Variants in DMD observed in about 807,000 individuals in gnomAD.
The protein encoded by DMD is mutant dystrophin.
In DMD, 63 loss-of-function variants were observed where a neutral mutation model predicts 330.1. The ratio of observed to expected loss-of-function variants is 0.19; its 90% CI spans 0.16 to 0.24. DMD has a LOEUF of 0.24. Ranked by LOEUF, DMD falls within the 10% of genes least tolerant of loss-of-function variation. The probability of loss-of-function intolerance (pLI) is 1.00; values close to 1 mark genes in which losing one functional copy is unlikely to be tolerated. For missense variants in DMD, 3,344 were observed against 2,684.1 expected (o/e 1.25, Z -5.43); for synonymous variants, 1,223 against 959.8 (o/e 1.27, Z -5.07).
intron 60 of DMD, among the ~76,000 whole-genome samples, chrX:31,406,368 A>G (rs937225510): frequency 1.8e-4 from 20 of 111,151 alleles, no homozygotes; most frequent in Admixed American, 6.7e-4. Context: ...AAACCTTCAC[A>G]TGTACCGTCA....
intron 11 of DMD, among the ~76,000 whole-genome samples, chrX:32,626,390 C>A (rs2058348510): frequency 9.5e-6 from 1 of 105,221 alleles, no homozygotes; most frequent in Non-Finnish European, 1.9e-5. Flanking sequence ...ATCACTTGAA[C>A]CCGGGGGGAC....
intron 9 of DMD, among the ~76,000 whole-genome samples, chrX:32,671,115 C>A (rs1015401216): frequency 9.0e-6 from 1 of 110,608 alleles, no homozygotes; most frequent in Non-Finnish European, 1.9e-5. Context: ...TTGTTAATAT[C>A]TCAATGTCAA....
intron 52 of DMD, among the ~76,000 whole-genome samples, chrX:31,699,726 G>A (rs994689754): frequency 3.6e-5 from 4 of 111,670 alleles, no homozygotes; most frequent in Non-Finnish European, 7.5e-5. Flanking sequence ...AAAGGGAACC[G>A]ATGTCACCAA....
chrX:31,405,013 A>G (rs906628233), intron 60 of DMD, among the ~76,000 whole-genome samples: 2 of 111,967 alleles, frequency 1.8e-5, no homozygotes, highest in Admixed American at 1.9e-4. Context: ...AATGTCAATT[A>G]GAGAGAAATG....
intron 4 of DMD, among the ~76,000 whole-genome samples, chrX:32,835,009 C>G (rs931605218): frequency 4.5e-5 from 5 of 111,147 alleles, no homozygotes; most frequent in African/African-American, 1.6e-4. Context: ...AAATCTCTAT[C>G]AAATTTGTAA....
intron 55 of DMD, among the ~76,000 whole-genome samples, chrX:31,530,311 C>A (rs2073634450): frequency 8.9e-6 from 1 of 111,750 alleles, no homozygotes; most frequent in Admixed American, 9.5e-5. Context: ...CAGAGAACTT[C>A]AAAGAGATAT....
At chrX:31,294,076 C>T (rs771908821) in intron 62 of DMD, among the ~76,000 whole-genome samples, 2 of 112,068 alleles carry the variant, frequency 1.8e-5, no homozygotes, top group South Asian at 7.5e-4. Context: ...GATAGATGAC[C>T]TGAGGATGAA....
At chrX:32,561,734 T>C (rs772833535) in intron 16 of DMD, among the ~76,000 whole-genome samples, 6 of 111,362 alleles carry the variant, frequency 5.4e-5, no homozygotes, top group Non-Finnish European at 9.4e-5. Context: ...CCAACATACG[T>C]AATCATACAA....
intron 1 of DMD, among the ~76,000 whole-genome samples, chrX:33,086,638 C>A (rs1160370077): frequency 9.1e-6 from 1 of 110,114 alleles, no homozygotes; most frequent in South Asian, 3.8e-4. Flanking sequence ...ATTAATACTT[C>A]CAAACTAAAA....
At chrX:31,621,294 T>C (rs1305453507) in intron 55 of DMD, among the ~76,000 whole-genome samples, 1 of 112,212 alleles carries the variant, frequency 8.9e-6, no homozygotes, top group African/African-American at 3.2e-5. Flanking sequence ...GTATCTGTTT[T>C]GTTTGTTCAA....
chrX:32,980,765 A>T (rs190173403), intron 2 of DMD, among the ~76,000 whole-genome samples: 132 of 112,057 alleles, frequency 1.2e-3, no homozygotes, highest in African/African-American at 4.0e-3. Context: ...TTCCCCACCT[A>T]GGTTCGTAAT....
chrX:31,427,347 T>A (rs2063774087), intron 60 of DMD, among the ~76,000 whole-genome samples: 3 of 111,665 alleles, frequency 2.7e-5, no homozygotes, highest in South Asian at 7.5e-4. Context: ...AATTTATTGC[T>A]AACTCTTCTG....
chrX:32,789,798 C>T (rs958587943), intron 7 of DMD, among the ~76,000 whole-genome samples: 1 of 111,523 alleles, frequency 9.0e-6, no homozygotes, highest in Admixed American at 9.5e-5. Flanking sequence ...CACTCTTCTA[C>T]CAAAAGGAAC....
At chrX:31,937,424 CT>C (rs962040723) in intron 45 of DMD, among the ~76,000 whole-genome samples, 3 of 111,345 alleles carry the variant, frequency 2.7e-5, no homozygotes, top group East Asian at 2.8e-4. Flanking sequence ...TTGTGGAAAA[CT>C]TTTTTTCCAG....
chrX:32,529,316 A>G (rs898998431), intron 17 of DMD, among the ~76,000 whole-genome samples: 4 of 103,249 alleles, frequency 3.9e-5, no homozygotes, highest in African/African-American at 1.1e-4. Flanking sequence ...CCTTGGGCAC[A>G]TGTCGTCAGG....
chrX:33,040,624 C>A (rs1005818052), intron 1 of DMD, among the ~76,000 whole-genome samples: 1 of 110,949 alleles, frequency 9.0e-6, no homozygotes, highest in Non-Finnish European at 1.9e-5. Context: ...GTTGCTACAG[C>A]AACAACAACC....
At chrX:31,655,734 A>G (rs113291073) in intron 54 of DMD, among the ~76,000 whole-genome samples, 1,518 of 110,690 alleles carry the variant, frequency 0.014, 28 homozygotes, top group African/African-American at 0.047. Context: ...ACCTTCCATC[A>G]TGGAATCATG....
At chrX:33,326,653 A>C (rs985482571) in intron 1 of DMD, among the ~76,000 whole-genome samples, 1 of 112,038 alleles carries the variant, frequency 8.9e-6, no homozygotes, top group Non-Finnish European at 1.9e-5. Flanking sequence ...CATGCAAGTT[A>C]TTTGAATTAT....
chrX:32,749,367 G>T lies in DMD; in HGVS notation c.650-50074C>A, dbSNP rs989614757. Reference sequence around the variant, plus strand: ...CCAGCTAAATGGTATGCAATGATAAGATCACCATTTTAATAGTTATCTAGA... The same window carrying T: ...CCAGCTAAATGGTATGCAATGATAATATCACCATTTTAATAGTTATCTAGA... On this transcript the variant is annotated intron_variant, in intron 7 of 78. Coordinates refer to ENST00000357033, the MANE Select transcript of DMD (RefSeq NM_004006.3). 2.7e-5 allele frequency among the ~76,000 whole-genome samples: 3 copies of T among 111,998 alleles called. No homozygotes were observed. The East Asian group carries it at 8.4e-4, about 31-fold the overall frequency.
Sources: gnomAD v4.1 joint callset for allele counts (sites outside exome capture counted in the v4.1 genomes callset) on GRCh38, gnomAD v4.1.1 for gene constraint, MANE v1.5 for transcripts, NCBI Gene and HGNC (gene_info 2026-07-23, HGNC 2026-07-21) for gene names.